TRMT6: variants seen among roughly 807,000 people sequenced by gnomAD.
TRMT6 encodes the protein tRNA methyltransferase 6 non-catalytic subunit.
Under a neutral mutation model 59.0 loss-of-function variants are expected in TRMT6, and 34 were observed. The ratio of observed to expected loss-of-function variants is 0.58; its 90% CI spans 0.44 to 0.77. TRMT6 has a LOEUF of 0.77. TRMT6 is among the 30% of genes least tolerant of loss of function. The probability of loss-of-function intolerance (pLI) is 0.00; values close to 1 mark genes in which losing one functional copy is unlikely to be tolerated. For synonymous variants in TRMT6, 217 were observed against 210.5 expected, an observed-to-expected ratio of 1.03 and a Z score of -0.27; for missense variants, 575 against 604.5, an observed-to-expected ratio of 0.95 and a Z score of 0.51.
intron 4 of TRMT6, 22 bp downstream of exon 4, chr20:5,944,139 CT>C: frequency 7.2e-7 from 1 of 1,391,804 alleles, no homozygotes; most frequent in Non-Finnish European, 9.7e-7. Flanking sequence ...TATTGTGGGC[CT>C]TTTAAAATAA....
In TRMT6 at chr20:5,941,224, C is replaced by T; in HGVS notation, c.1215+19G>A. The stretch of plus-strand genomic sequence containing the variant: ...ACATTCAGACATAAGAATTCCTGCC[C>T]ATTCCATTCCAGTATTACCTCTTTG... On this transcript the variant is annotated intron_variant, in intron 9 of 10. Coordinates refer to ENST00000203001, the MANE Select transcript of TRMT6 (RefSeq NM_015939.5). 1 of 1,610,022 alleles carries T rather than the reference C, an allele frequency of 6.2e-7. No individual in the cohort carries two copies. The highest frequency in any genetic ancestry group is 8.5e-7 in the Non-Finnish European group (1 of 1,176,254).
At chr20:5,944,593 C>A (rs887960783) in intron 3 of TRMT6, among the ~76,000 whole-genome samples, 1 of 152,174 alleles carries the variant, frequency 6.6e-6, no homozygotes, top group Non-Finnish European at 1.5e-5. Context: ...ACATTCTCTA[C>A]CACTGACATT....
Position 5,941,328 on chromosome 20 carries a change from C to A in TRMT6, c.1130G>T (p.Arg377Leu). The A allele has an allele frequency of 6.2e-7, 1 of 1,613,910 alleles. No homozygotes were observed. The highest frequency in any genetic ancestry group is 2.2e-5 in the East Asian group (1 of 44,888). ...CAGCAGCAGGGGAGTGGGGTGGAAA[C>A]GACTAGCTACAATTAAACTGTAAGG... ...RNADGLIVAS[R>L]FHPTPLLLSL... The change falls in exon 9 of 11, where the codon CGT (arginine) becomes CTT (leucine). Residue 377 changes from arginine to leucine, a missense_variant. Arg to Leu is a moderately radical substitution (Grantham distance 102). Transcript: ENST00000203001.
At chr20:5,945,436 C>G (rs1159293957) in intron 2 of TRMT6, among the ~76,000 whole-genome samples, 1 of 152,226 alleles carries the variant, frequency 6.6e-6, no homozygotes, top group Non-Finnish European at 1.5e-5. Flanking sequence ...TCACTTGAGG[C>G]TGAGCTCATT....
chr20:5,949,820 A>C (rs1373446379), intron 1 of TRMT6, among the ~76,000 whole-genome samples: 1 of 151,910 alleles, frequency 6.6e-6, no homozygotes. Flanking sequence ...CCTGAAGGAG[A>C]CTCTGGAGAC....
intron 10 of TRMT6, 59 bp from the exon 11 acceptor site, chr20:5,938,785 A>C: frequency 7.0e-7 from 1 of 1,435,658 alleles, no homozygotes. Flanking sequence ...CATGCTAACA[A>C]CACATATACC....
chr20:5,940,899 G>A, intron 10 of TRMT6, among the ~76,000 whole-genome samples, 154 bp downstream of exon 10: 1 of 152,138 alleles, frequency 6.6e-6, no homozygotes, highest in Non-Finnish European at 1.5e-5. Flanking sequence ...GGGCTCAAGC[G>A]ATCTGCCTGC....
At chr20:5,944,122 A>G in intron 4 of TRMT6, 40 bp downstream of exon 4, 4 of 1,357,222 alleles carry the variant, frequency 2.9e-6, no homozygotes, top group Non-Finnish European at 4.0e-6. Flanking sequence ...ACATATAAGA[A>G]GTTTAATATT....
In TRMT6 at chr20:5,943,830, TTA is replaced by T. The variant is rs1019035761; in HGVS notation, c.542+116_542+117del. The T allele has an allele frequency of 3.3e-6, 5 of 1,515,668 alleles. No homozygotes were observed. The African/African-American group carries it at 7.0e-5, about 21-fold the overall frequency. 93.9% of individuals were successfully genotyped at this position (1,515,668 alleles called of 1,614,324 possible). On this transcript the variant is annotated intron_variant, in intron 5 of 10. Coordinates refer to ENST00000203001, the MANE Select transcript of TRMT6 (RefSeq NM_015939.5). ...AGGTGACAGTAAAAGGACTTACAAT[TTA>T]TGAGGTAGGAGGATACTTTATGCAG...
At position 5,941,971 on chromosome 20, in the gene TRMT6, C is replaced by G. The variant is rs2088660059; in HGVS notation, c.1092G>C (p.Leu364=). Reference sequence around the variant, plus strand: ...CGCACCCATCTGCGTTTCTTTCACTCAGCAGAGCGGCAGCCTCTAAATGTC... The same window carrying G: ...CGCACCCATCTGCGTTTCTTTCACTGAGCAGAGCGGCAGCCTCTAAATGTC... The part of the protein sequence containing the change: ...RKRHLEAAAL[L]SERNADGLIV... The change falls in exon 8 of 11, where the codon CTG becomes CTC. Residue 364 remains leucine (L), a synonymous_variant. Transcript: ENST00000203001. 1 of 1,613,396 alleles carries G rather than the reference C, an allele frequency of 6.2e-7. No individual in the cohort carries two copies. Among genetic ancestry groups the G allele is most frequent in the African/African-American group, 1.3e-5 (1 of 74,940 alleles).
In TRMT6 at chr20:5,938,628, G is replaced by A. The variant is rs550623154; in HGVS notation, c.1401C>T (p.Asp467=). The part of the protein sequence containing the change: ...FTVAMDNLKA[D]TSLKSNASTL... ...TGCTTGCATTAGATTTGAGGCTGGT[G>A]TCTGCTTTAAGGTTGTCCATGGCAA... Residue 467 remains aspartate (D), a synonymous_variant, in exon 11 of 11, where the codon GAC becomes GAT. Coordinates refer to ENST00000203001, the MANE Select transcript of TRMT6 (RefSeq NM_015939.5). The A allele has an allele frequency of 8.7e-6, 14 of 1,614,190 alleles. No homozygotes were observed. Among genetic ancestry groups the A allele is most frequent in the Middle Eastern group, 1.6e-4 (1 of 6,062 alleles).
At chr20:5,939,481 A>G (rs2088637756) in intron 10 of TRMT6, among the ~76,000 whole-genome samples, 2 of 149,394 alleles carry the variant, frequency 1.3e-5, no homozygotes, top group African/African-American at 5.0e-5. Flanking sequence ...CTCTGTCTCA[A>G]AAATGAAAAA....
rs763034785 is a variant in TRMT6 at position 5,941,946 on chromosome 20, C to T, written c.1112+5G>A. 9.3e-6 allele frequency: 15 copies of T among 1,612,262 alleles called. No individual in the cohort carries two copies. The highest frequency in any genetic ancestry group is 2.2e-5 in the East Asian group (1 of 44,902). ...GGAGTCTCCTGCCTTCTTCCATCAA[C>T]GCACCCATCTGCGTTTCTTTCACTC... is the stretch of plus-strand genomic sequence containing the variant. On this transcript the variant is annotated splice_donor_5th_base_variant and intron_variant, in intron 8 of 10. Coordinates refer to ENST00000203001, the MANE Select transcript of TRMT6 (RefSeq NM_015939.5).
Position 5,942,684 on chromosome 20 carries a change from A to G in TRMT6, c.770T>C (p.Phe257Ser). The G allele has an allele frequency of 1.2e-6, 2 of 1,614,116 alleles. No homozygotes were observed. Among genetic ancestry groups the G allele is most frequent in the Non-Finnish European group, 1.7e-6 (2 of 1,180,008 alleles). ...PKSFLSGLYE[F>S]PLNKVDSLLH... ...AAGACTGTCCACTTTGTTGAGAGGG[A>G]ATTCATAAAGACCACTGAGAAAAGA... The change falls in exon 7 of 11, where the codon TTC becomes TCC. Residue 257 changes from phenylalanine (F) to serine (S), a missense_variant. Transcript: ENST00000203001.
intron 10 of TRMT6, among the ~76,000 whole-genome samples, chr20:5,940,754 A>C (rs2088648804): frequency 1.3e-5 from 2 of 152,158 alleles, no homozygotes; most frequent in African/African-American, 4.8e-5. Flanking sequence ...AGTAGCTGGG[A>C]CTACAGGCAC....
chr20:5,948,234 G>C (rs1288101741), intron 1 of TRMT6, among the ~76,000 whole-genome samples: 1 of 152,176 alleles, frequency 6.6e-6, no homozygotes, highest in East Asian at 1.9e-4. Context: ...ACTTAAAACT[G>C]GCTGGTTTGA....
chr20:5,944,674 T>A, intron 3 of TRMT6, 131 bp downstream of exon 3: 1 of 634,136 alleles, frequency 1.6e-6, no homozygotes, highest in Non-Finnish European at 2.7e-6. Flanking sequence ...ACATGTACAT[T>A]TCAACCTATT....
rs1186734493 is a variant in TRMT6 at position 5,937,733 on chromosome 20, T to C, written c.*802A>G. On this transcript the variant is annotated 3_prime_UTR_variant, in exon 11 of 11. Transcript: ENST00000203001. Reference sequence around the variant, plus strand: ...ATCTATGTCTCCACTTGCATGTGTATGTATATATCTGTGTATATATAAATA... The same window carrying C: ...ATCTATGTCTCCACTTGCATGTGTACGTATATATCTGTGTATATATAAATA... The C allele has an allele frequency of 2.0e-5, 3 of 152,250 alleles. No homozygotes were observed. The highest frequency in any genetic ancestry group is 2.9e-5 in the Non-Finnish European group (2 of 68,038). The allele number at this position is 152,250 out of a possible 1,614,324, so 9.4% of individuals were successfully genotyped here. A position where few individuals can be genotyped will look rare whatever the true frequency, so the allele number is the denominator to read the frequency against.
intron 1 of TRMT6, among the ~76,000 whole-genome samples, chr20:5,949,248 C>T (rs1003562129): frequency 5.9e-5 from 9 of 151,682 alleles, no homozygotes; most frequent in Non-Finnish European, 1.3e-4. Context: ...AGAGTCCCAG[C>T]CACTAGGGAG....
Sources: gnomAD v4.1 joint callset for allele counts (sites outside exome capture counted in the v4.1 genomes callset) on GRCh38, gnomAD v4.1.1 for gene constraint, MANE v1.5 for transcripts, NCBI Gene and HGNC (gene_info 2026-07-23, HGNC 2026-07-21) for gene names.